The following NAV3 variants were observed in gnomAD, a reference collection of about 807,000 sequenced individuals.
The protein encoded by NAV3 is neuron navigator 3.
In NAV3, 87 loss-of-function variants were observed where a neutral mutation model predicts 244.7. That is an observed-to-expected ratio of 0.36 (90% CI 0.30 to 0.42). The LOEUF is 0.42. Ranked by LOEUF, NAV3 falls within the 20% of genes least tolerant of loss-of-function variation. The pLI, the probability that NAV3 is intolerant of heterozygous loss-of-function variation, is 1.00. For missense variants in NAV3, 2,663 were observed against 2,893.3 expected (o/e 0.92, Z 1.83); for synonymous variants, 1,126 against 1,042.2 (o/e 1.08, Z -1.55).
At chr12:77,864,121 A>G (rs770162) in intron 1 of NAV3, among the ~76,000 whole-genome samples, 81,117 of 151,582 alleles carry the variant, frequency 0.54, 23,219 homozygotes, top group East Asian at 0.71. Context: ...TGTGATCAGG[A>G]CACCCCCAAT....
At chr12:77,753,525 A>G (rs950388851) in intron 2 of NAV3, among the ~76,000 whole-genome samples, 1 of 152,190 alleles carries the variant, frequency 6.6e-6, no homozygotes, top group African/African-American at 2.4e-5. Flanking sequence ...CTCTCTTCTT[A>G]AAGACAATCC....
intron 39 of NAV3, among the ~76,000 whole-genome samples, 155 bp downstream of exon 39, chr12:78,205,293 A>G (rs2140089410): frequency 6.6e-6 from 1 of 152,286 alleles, no homozygotes; most frequent in East Asian, 1.9e-4. Context: ...ATGGATGAAA[A>G]TCTTAAAGTG....
intron 2 of NAV3, among the ~76,000 whole-genome samples, chr12:77,581,237 A>T (rs1051962703): frequency 2.0e-5 from 3 of 152,144 alleles, no homozygotes; most frequent in Non-Finnish European, 4.4e-5. Context: ...TTTTTTCCTT[A>T]AGTATTTTAT....
At chr12:77,725,001 T>A (rs1216491625) in intron 2 of NAV3, among the ~76,000 whole-genome samples, 3 of 152,000 alleles carry the variant, frequency 2.0e-5, no homozygotes, top group Non-Finnish European at 4.4e-5. Flanking sequence ...GTCAGTAAAT[T>A]CACTAACCTT....
chr12:78,126,153 A>C (rs1404739952), intron 16 of NAV3, among the ~76,000 whole-genome samples: 1 of 152,212 alleles, frequency 6.6e-6, no homozygotes, highest in African/African-American at 2.4e-5. Context: ...GATAAAGTTA[A>C]AGTTGTATAA....
At chr12:78,057,951 T>C (rs1883762185) in intron 11 of NAV3, among the ~76,000 whole-genome samples, 1 of 152,220 alleles carries the variant, frequency 6.6e-6, no homozygotes, top group Non-Finnish European at 1.5e-5. Flanking sequence ...TCATTTGTTA[T>C]CAGCATGGAT....
At chr12:78,203,333 G>T (rs1959930932) in intron 38 of NAV3, among the ~76,000 whole-genome samples, 1 of 151,962 alleles carries the variant, frequency 6.6e-6, no homozygotes, top group African/African-American at 2.4e-5. Context: ...AGCTTTCCAA[G>T]AATTATACAT....
intron 20 of NAV3, among the ~76,000 whole-genome samples, chr12:78,145,358 A>G (rs994482808): frequency 3.9e-5 from 6 of 152,196 alleles, no homozygotes; most frequent in African/African-American, 1.4e-4. Context: ...CCTGATGGTT[A>G]GACTACTTTG....
At chr12:77,804,464 G>C (rs1032810415) in intron 2 of NAV3, among the ~76,000 whole-genome samples, 3 of 152,000 alleles carry the variant, frequency 2.0e-5, no homozygotes, top group Non-Finnish European at 2.9e-5. Context: ...CAGGTTTATC[G>C]AAGATCAGAT....
chr12:78,049,883 A>G (rs1882471763), intron 9 of NAV3, 110 bp from the exon 10 acceptor site: 2 of 644,156 alleles, frequency 3.1e-6, no homozygotes, highest in African/African-American at 1.9e-5. Flanking sequence ...TTTGAAATGT[A>G]TTACATATCC....
intron 1 of NAV3, among the ~76,000 whole-genome samples, chr12:77,835,809 CTTCA>C (rs1383278794): frequency 6.6e-6 from 1 of 152,168 alleles, no homozygotes; most frequent in African/African-American, 2.4e-5. Context: ...CTTATAATGT[CTTCA>C]TTCAGGCATT....
At chr12:77,973,296 G>A (rs565609718) in intron 5 of NAV3, among the ~76,000 whole-genome samples, 66 of 152,248 alleles carry the variant, frequency 4.3e-4, no homozygotes, top group African/African-American at 1.5e-3. Context: ...GAATGTGAAA[G>A]TAGAGGTAAG....
rs564338405 is a variant in NAV3, at chr12:78,059,134, A to G, written c.2636+19A>G. On this transcript the variant is annotated intron_variant, in intron 12 of 39. Transcript: ENST00000397909. ...CAGACAGGTAATGCTATCAGCATAT[A>G]TGATGGTGAGACATGCATGAAGTAA... 11 of 1,605,638 alleles carry G rather than the reference A, an allele frequency of 6.9e-6. No individual in the cohort carries two copies. The South Asian group carries it at 1.1e-4, about 16-fold the overall frequency.
At chr12:78,137,070 C>T (rs1956404072) in intron 18 of NAV3, 107 bp from the exon 19 acceptor site, 1 of 1,015,868 alleles carries the variant, frequency 9.8e-7, no homozygotes. Context: ...ACTCACTATA[C>T]ATTCATGTTT....
intron 15 of NAV3, among the ~76,000 whole-genome samples, chr12:78,121,019 G>C (rs1399719392): frequency 6.6e-6 from 1 of 152,098 alleles, no homozygotes; most frequent in African/African-American, 2.4e-5. Context: ...TGGCGTATAG[G>C]GAGAGTAAAT....
chr12:77,764,843 T>A (rs1869659513), intron 2 of NAV3, among the ~76,000 whole-genome samples: 1 of 152,264 alleles, frequency 6.6e-6, no homozygotes, highest in African/African-American at 2.4e-5. Flanking sequence ...CAAGTCTAGG[T>A]CATTGTTTTG....
intron 5 of NAV3, among the ~76,000 whole-genome samples, chr12:77,987,475 C>G (rs1593203774): frequency 6.6e-6 from 1 of 152,054 alleles, no homozygotes; most frequent in South Asian, 2.1e-4. Context: ...GTAATAATGA[C>G]TAGTGTCTTT....
intron 2 of NAV3, among the ~76,000 whole-genome samples, chr12:77,712,670 C>A (rs2137257732): frequency 6.6e-6 from 1 of 152,206 alleles, no homozygotes; most frequent in East Asian, 1.9e-4. Flanking sequence ...AGTAAGTCCC[C>A]AACTATTGAT....
rs542284738 is a variant in NAV3 at position 78,031,902 on chromosome 12, TA to T, written c.2023+10049del. Among the ~76,000 whole-genome samples the T allele has an allele frequency of 4.6e-3, 687 of 149,006 alleles. 5 individuals are homozygous for T. The highest frequency in any genetic ancestry group is 0.01 in the African/African-American group (418 of 40,272). ...AAGTATAATAAAAAAATAATAATAATAAAAAAAAAGAGAAGTGGTCTCTTTT... is the reference window on the plus strand; with the variant it reads ...AAGTATAATAAAAAAATAATAATAATAAAAAAAAGAGAAGTGGTCTCTTTT... On this transcript the variant is annotated intron_variant, in intron 9 of 39. Coordinates refer to ENST00000397909, the MANE Select transcript of NAV3 (RefSeq NM_001024383.2).
Sources: gnomAD v4.1 joint callset for allele counts (sites outside exome capture counted in the v4.1 genomes callset) on GRCh38, gnomAD v4.1.1 for gene constraint, MANE v1.5 for transcripts, NCBI Gene and HGNC (gene_info 2026-07-23, HGNC 2026-07-21) for gene names.